PDSS2: variants seen among roughly 807,000 people sequenced by gnomAD.
The protein encoded by PDSS2 is decaprenyl diphosphate synthase subunit 2, also known as all trans-polyprenyl-diphosphate synthase PDSS2.
A neutral mutation model predicts 44.5 loss-of-function variants in PDSS2; 31 were observed. That is an observed-to-expected ratio of 0.70 (90% CI 0.52 to 0.94). The LOEUF (loss-of-function observed/expected upper bound fraction) is 0.94. Ranked by LOEUF, PDSS2 falls within the 40% of genes least tolerant of loss-of-function variation. PDSS2 has a pLI of 0.00. For synonymous variants in PDSS2, 157 were observed against 180.3 expected, an observed-to-expected ratio of 0.87 and a Z score of 1.03; for missense variants, 452 against 482.2, an observed-to-expected ratio of 0.94 and a Z score of 0.59.
At chr6:107,393,846 T>G (rs952215879) in intron 1 of PDSS2, among the ~76,000 whole-genome samples, 1 of 152,226 alleles carries the variant, frequency 6.6e-6, no homozygotes, top group African/African-American at 2.4e-5. Flanking sequence ...TTTTAACCCT[T>G]GTAATATTCT....
chr6:107,275,310 G>A (rs188872419), intron 2 of PDSS2, among the ~76,000 whole-genome samples: 11 of 152,036 alleles, frequency 7.2e-5, no homozygotes, highest in East Asian at 3.9e-4. Flanking sequence ...TATTATTAAC[G>A]TCTTTTAATA....
At chr6:107,260,658 A>ATTTTTTTTTTTTTTTTTTTT (rs540553793) in intron 3 of PDSS2, among the ~76,000 whole-genome samples, 4 of 93,430 alleles carry the variant, frequency 4.3e-5, no homozygotes, top group Non-Finnish European at 8.3e-5. Context: ...TTCCCCCTTC[A>ATTTTTTTTTTTTTTTTTTTT]TTTTTTTTTT....
chr6:107,282,356 T>C (rs572002374), intron 2 of PDSS2, among the ~76,000 whole-genome samples: 1 of 152,270 alleles, frequency 6.6e-6, no homozygotes, highest in East Asian at 1.9e-4. Context: ...ATACAGGGAT[T>C]AGTGGTAACT....
rs187827067 is a variant in PDSS2 at position 107,416,098 on chromosome 6, A to G, written c.296+42892T>C. Among the ~76,000 whole-genome samples the G allele has an allele frequency of 8.9e-4, 135 of 152,352 alleles. No homozygotes were observed. In the South Asian group the frequency reaches 9.9e-3, roughly 11 times the overall value. On this transcript the variant is annotated intron_variant, in intron 1 of 7. Transcript: ENST00000369037. ...CAGGGAAGCAGGGAACAAATTATGT[A>G]TTAGTACATTTTGCCGAAACTTTAT... is the stretch of plus-strand genomic sequence containing the variant.
chr6:107,226,872 C>T (rs572217961), intron 4 of PDSS2, among the ~76,000 whole-genome samples: 16 of 151,712 alleles, frequency 1.1e-4, no homozygotes, highest in Non-Finnish European at 2.1e-4. Context: ...GTGGTTTCAC[C>T]ATGTTGGTCA....
At position 107,254,324 on chromosome 6, in the gene PDSS2, G is replaced by A. The variant is rs576884826; in HGVS notation, c.631-8705C>T. On this transcript the variant is annotated intron_variant, in intron 3 of 7. Transcript: ENST00000369037. The stretch of plus-strand genomic sequence containing the variant: ...TGGGATTACAGACGTGAGCCACTGC[G>A]CCTGGCCGAAAAATAATTTTTTTTA... Among the ~76,000 whole-genome samples, 167 of 151,784 alleles carry A rather than the reference G, an allele frequency of 1.1e-3. 1 individual carries two copies. The highest frequency in any genetic ancestry group is 9.7e-4 in the Non-Finnish European group (66 of 67,972).
intron 1 of PDSS2, among the ~76,000 whole-genome samples, chr6:107,338,092 G>C (rs1777962710): frequency 6.6e-6 from 1 of 152,038 alleles, no homozygotes; most frequent in South Asian, 2.1e-4. Context: ...TAAAAAAACA[G>C]TACTGAAATA....
chr6:107,335,880 T>C (rs986295504), intron 1 of PDSS2, among the ~76,000 whole-genome samples: 2 of 152,110 alleles, frequency 1.3e-5, no homozygotes, highest in Admixed American at 1.3e-4. Context: ...GACTGAATTA[T>C]CAAGGCTTCC....
At chr6:107,434,193 C>G (rs918537811) in intron 1 of PDSS2, among the ~76,000 whole-genome samples, 1 of 152,156 alleles carries the variant, frequency 6.6e-6, no homozygotes, top group African/African-American at 2.4e-5. Flanking sequence ...GAAAACAGTA[C>G]GCAAGTTCCT....
chr6:107,251,426 G>C (rs1239021164), intron 3 of PDSS2, among the ~76,000 whole-genome samples: 1 of 152,150 alleles, frequency 6.6e-6, no homozygotes, highest in Non-Finnish European at 1.5e-5. Flanking sequence ...TCTATTTGGA[G>C]GTGAATAACA....
At chr6:107,346,158 G>C (rs1423408526) in intron 1 of PDSS2, among the ~76,000 whole-genome samples, 1 of 152,184 alleles carries the variant, frequency 6.6e-6, no homozygotes, top group African/African-American at 2.4e-5. Flanking sequence ...ATGGCACCTA[G>C]TGAATGAAAA....
intron 1 of PDSS2, among the ~76,000 whole-genome samples, chr6:107,390,682 A>G (rs1329410994): frequency 6.6e-6 from 1 of 152,148 alleles, no homozygotes; most frequent in Non-Finnish European, 1.5e-5. Context: ...AATAGAGGAA[A>G]CTAGGTGAGG....
intron 5 of PDSS2, among the ~76,000 whole-genome samples, chr6:107,211,206 A>G (rs1203156756): frequency 2.6e-5 from 4 of 152,036 alleles, no homozygotes; most frequent in South Asian, 2.1e-4. Flanking sequence ...TGGAGATATT[A>G]TATATGTATA....
chr6:107,451,460 C>A (rs1781863497), intron 1 of PDSS2, among the ~76,000 whole-genome samples: 1 of 152,052 alleles, frequency 6.6e-6, no homozygotes, highest in Non-Finnish European at 1.5e-5. Flanking sequence ...CAAATCTAAG[C>A]CCAGGGCATA....
intron 1 of PDSS2, among the ~76,000 whole-genome samples, chr6:107,406,734 CAAG>C (rs1780331806): frequency 6.6e-6 from 1 of 152,290 alleles, no homozygotes; most frequent in Non-Finnish European, 1.5e-5. Flanking sequence ...CTGGCTATAT[CAAG>C]AAGGTCAAAT....
intron 2 of PDSS2, among the ~76,000 whole-genome samples, chr6:107,300,130 C>T (rs567204595): frequency 6.6e-6 from 1 of 152,290 alleles, no homozygotes; most frequent in Non-Finnish European, 1.5e-5. Context: ...ATTTCAATCC[C>T]TGTATCTTTA....
intron 1 of PDSS2, among the ~76,000 whole-genome samples, chr6:107,371,498 A>T (rs1401391232): frequency 6.6e-6 from 1 of 152,192 alleles, no homozygotes; most frequent in Non-Finnish European, 1.5e-5. Context: ...TCCTGTTTTC[A>T]TTTATTTCAA....
chr6:107,293,520 T>C (rs1776414298), intron 2 of PDSS2, among the ~76,000 whole-genome samples: 1 of 152,160 alleles, frequency 6.6e-6, no homozygotes, highest in African/African-American at 2.4e-5. Flanking sequence ...GGAGTTCAGT[T>C]CTCTGCTCTG....
At chr6:107,341,215 C>G (rs1301188412) in intron 1 of PDSS2, among the ~76,000 whole-genome samples, 1 of 151,818 alleles carries the variant, frequency 6.6e-6, no homozygotes, top group Non-Finnish European at 1.5e-5. Context: ...ATGGCAGTAG[C>G]ATGGAGGTGG....
Sources: gnomAD v4.1 joint callset for allele counts (sites outside exome capture counted in the v4.1 genomes callset) on GRCh38, gnomAD v4.1.1 for gene constraint, MANE v1.5 for transcripts, NCBI Gene and HGNC (gene_info 2026-07-23, HGNC 2026-07-21) for gene names.